Variants in CCDC7 observed in about 807,000 individuals in gnomAD.
The protein encoded by CCDC7 is coiled-coil domain-containing protein 7.
A neutral mutation model predicts 196.9 loss-of-function variants in CCDC7; 183 were observed. The ratio of observed to expected loss-of-function variants is 0.93; its 90% CI spans 0.82 to 1.05. The LOEUF is 1.05. Ranked by LOEUF, CCDC7 falls within the 50% of genes least tolerant of loss-of-function variation. CCDC7 has a pLI of 0.00. For synonymous variants in CCDC7, 525 were observed against 484.6 expected, an observed-to-expected ratio of 1.08 and a Z score of -1.10; for missense variants, 1,540 against 1,482.2, an observed-to-expected ratio of 1.04 and a Z score of -0.64.
intron 20 of CCDC7, among the ~76,000 whole-genome samples, chr10:32,657,222 G>T (rs2070142659): frequency 6.6e-6 from 1 of 152,190 alleles, no homozygotes. Flanking sequence ...CTGGGGTCTG[G>T]AGGACAGTGG....
At chr10:32,542,815 T>A (rs1217327224) in intron 11 of CCDC7, among the ~76,000 whole-genome samples, 1 of 152,200 alleles carries the variant, frequency 6.6e-6, no homozygotes, top group East Asian at 1.9e-4. Context: ...CAAACAAGTT[T>A]CAGGTCTTTC....
intron 13 of CCDC7, among the ~76,000 whole-genome samples, chr10:32,562,177 A>G (rs1333150206): frequency 1.3e-5 from 2 of 152,188 alleles, no homozygotes; most frequent in African/African-American, 4.8e-5. Flanking sequence ...CCAACCAAAA[A>G]GAGTCCAGGA....
chr10:32,794,348 T>C (rs755290968), intron 29 of CCDC7, among the ~76,000 whole-genome samples: 29 of 152,362 alleles, frequency 1.9e-4, no homozygotes, highest in Non-Finnish European at 3.1e-4. Flanking sequence ...GTTGATTCCA[T>C]GTCTTTGCTA....
exon 24 of CCDC7, chr10:32,694,908 G>A (rs1332415837): frequency 6.3e-7 from 1 of 1,599,912 alleles, no homozygotes; most frequent in Non-Finnish European, 8.5e-7. Context: ...CAAAAATCTT[G>A]TGCTTGAACA....
chr10:32,710,813 A>T (rs1340682396), intron 24 of CCDC7, among the ~76,000 whole-genome samples: 1 of 152,170 alleles, frequency 6.6e-6, no homozygotes, highest in Admixed American at 6.5e-5. Context: ...TTACCAGGGG[A>T]GCTGCCAAGT....
At chr10:32,596,814 G>C (rs150041027) in intron 18 of CCDC7, among the ~76,000 whole-genome samples, 1 of 152,048 alleles carries the variant, frequency 6.6e-6, no homozygotes, top group Non-Finnish European at 1.5e-5. Flanking sequence ...TGAAATTCTG[G>C]GTTGAAAATT....
chr10:32,703,229 G>A (rs1048097762), intron 24 of CCDC7, among the ~76,000 whole-genome samples: 2 of 152,116 alleles, frequency 1.3e-5, no homozygotes, highest in East Asian at 3.9e-4. Flanking sequence ...AAATCTCTCA[G>A]CACTTGCTTG....
At chr10:32,724,738 C>A (rs78010839) in intron 25 of CCDC7, among the ~76,000 whole-genome samples, 1 of 152,136 alleles carries the variant, frequency 6.6e-6, no homozygotes, top group East Asian at 1.9e-4. Flanking sequence ...TAATACAGTA[C>A]CTTAGTCGAG....
chr10:32,680,861 T>C (rs1449766794), intron 21 of CCDC7, among the ~76,000 whole-genome samples: 1 of 152,204 alleles, frequency 6.6e-6, no homozygotes, highest in Non-Finnish European at 1.5e-5. Flanking sequence ...ATATTTTTGT[T>C]CACTTTTGAA....
chr10:32,501,446 G>T (rs994764575), intron 9 of CCDC7, among the ~76,000 whole-genome samples: 2 of 152,106 alleles, frequency 1.3e-5, no homozygotes, highest in Non-Finnish European at 2.9e-5. Flanking sequence ...GTGATCCTTT[G>T]CAGTAGAAGA....
At chr10:32,567,810 A>G (rs142676157) in exon 15 of CCDC7, 32 of 1,613,708 alleles carry the variant, frequency 2.0e-5, no homozygotes, top group Non-Finnish European at 2.5e-5. Context: ...AAAATATACC[A>G]TTGGAGAAAG....
chr10:32,738,558 T>G (rs1254632199), intron 28 of CCDC7, among the ~76,000 whole-genome samples: 1 of 140,242 alleles, frequency 7.1e-6, no homozygotes, highest in Non-Finnish European at 1.5e-5. Flanking sequence ...CACTACAGCC[T>G]CGACCTCCTG....
chr10:32,838,522 T>C (rs1324192946), intron 33 of CCDC7, among the ~76,000 whole-genome samples: 7 of 152,050 alleles, frequency 4.6e-5, no homozygotes, highest in Admixed American at 6.6e-5. Context: ...TTGGAGTTCC[T>C]GAGAAGAAGA....
At chr10:32,635,980 A>G (rs2065568235) in intron 20 of CCDC7, among the ~76,000 whole-genome samples, 1 of 152,000 alleles carries the variant, frequency 6.6e-6, no homozygotes, top group Non-Finnish European at 1.5e-5. Context: ...ACTTAATATC[A>G]TTACATATTT....
chr10:32,879,373 C>T (rs2094707516), downstream of CCDC7, among the ~76,000 whole-genome samples: 1 of 152,036 alleles, frequency 6.6e-6, no homozygotes, highest in Admixed American at 6.6e-5. Context: ...TAGCAGCATC[C>T]ATGATTTGAA....
chr10:32,627,338 A>G (rs547480290), intron 18 of CCDC7, among the ~76,000 whole-genome samples: 11 of 152,004 alleles, frequency 7.2e-5, no homozygotes, highest in African/African-American at 2.4e-4. Context: ...TTCATTGTTA[A>G]TGTATAGAAA....
exon 38 of CCDC7, chr10:32,847,836 C>G: frequency 6.2e-7 from 1 of 1,601,086 alleles, no homozygotes; most frequent in Middle Eastern, 1.7e-4. Flanking sequence ...TCTATAGAGA[C>G]TGATGTAGAA....
In CCDC7 at chr10:32,533,842, A is replaced by AGAAT. The variant is rs534036673; in HGVS notation, c.994-9458_994-9457insGAAT. Among the ~76,000 whole-genome samples the AGAAT allele has an allele frequency of 1.5e-3, 221 of 151,902 alleles. 1 individual carries two copies. Among genetic ancestry groups the AGAAT allele is most frequent in the African/African-American group, 5.1e-3 (210 of 41,428 alleles). On this transcript the variant is annotated intron_variant, in intron 11 of 41. Coordinates refer to ENST00000639629, the Ensembl canonical transcript of CCDC7. ...TCTTTTAGGATTCTCTTTGTCCTTG[A>AGAAT]CCTTTGAGAGCTTCATTATTATATG...
At chr10:32,557,079 A>G (rs2054482660) in intron 13 of CCDC7, among the ~76,000 whole-genome samples, 1 of 152,194 alleles carries the variant, frequency 6.6e-6, no homozygotes, top group Admixed American at 6.5e-5. Context: ...TCAAATTTCA[A>G]TGAGAATAAA....
Sources: gnomAD v4.1 joint callset for allele counts (sites outside exome capture counted in the v4.1 genomes callset) on GRCh38, gnomAD v4.1.1 for gene constraint, MANE v1.5 for transcripts, NCBI Gene and HGNC (gene_info 2026-07-23, HGNC 2026-07-21) for gene names.